The following FGD4 variants were observed in gnomAD, a reference collection of about 807,000 sequenced individuals.
The protein encoded by FGD4 is FYVE, RhoGEF and PH domain-containing protein 4.
In FGD4, 42 loss-of-function variants were observed where a neutral mutation model predicts 102.0. The ratio of observed to expected loss-of-function variants is 0.41; its 90% CI spans 0.32 to 0.53. FGD4 has a LOEUF of 0.53. Among genes scored for constraint, FGD4 ranks in the 20% least tolerant of loss-of-function variants. The probability of loss-of-function intolerance (pLI) is 0.21; values close to 1 mark genes in which losing one functional copy is unlikely to be tolerated. For missense variants in FGD4, 902 were observed against 1,078.2 expected (o/e 0.84, Z 2.29); for synonymous variants, 380 against 375.7 (o/e 1.01, Z -0.13).
intron 14 of FGD4, among the ~76,000 whole-genome samples, chr12:32,627,109 A>G (rs914397615): frequency 4.0e-5 from 6 of 151,032 alleles, no homozygotes; most frequent in African/African-American, 1.2e-4. Flanking sequence ...CGGCCTCCCA[A>G]AGTGCTGGGT....
At chr12:32,613,312 A>T (rs553071402) in intron 10 of FGD4, among the ~76,000 whole-genome samples, 14 of 152,350 alleles carry the variant, frequency 9.2e-5, no homozygotes, top group African/African-American at 2.4e-4. Flanking sequence ...GTTCAGTACA[A>T]GGGGTCTTGA....
chr12:32,411,186 C>G (rs1211878795), intron 1 of FGD4, among the ~76,000 whole-genome samples: 2 of 151,788 alleles, frequency 1.3e-5, no homozygotes, highest in African/African-American at 4.8e-5. Flanking sequence ...GGCTCAGCCT[C>G]CCAAAGTGCT....
At chr12:32,452,057 C>T (rs896030708) in intron 1 of FGD4, among the ~76,000 whole-genome samples, 7 of 152,158 alleles carry the variant, frequency 4.6e-5, no homozygotes, top group Admixed American at 2.0e-4. Context: ...TGTGGACACT[C>T]TGTGAACAAT....
At chr12:32,505,449 G>A (rs1196181727) in intron 1 of FGD4, among the ~76,000 whole-genome samples, 1 of 152,200 alleles carries the variant, frequency 6.6e-6, no homozygotes, top group Non-Finnish European at 1.5e-5. Flanking sequence ...ATTGATTTGA[G>A]TATCGGCAGC....
At chr12:32,457,149 C>T (rs1363921272) in intron 1 of FGD4, among the ~76,000 whole-genome samples, 1 of 152,132 alleles carries the variant, frequency 6.6e-6, no homozygotes, top group Non-Finnish European at 1.5e-5. Context: ...TTTATTTCTA[C>T]ATTATGTCAT....
intron 1 of FGD4, among the ~76,000 whole-genome samples, chr12:32,494,360 C>A (rs1937661232): frequency 6.6e-6 from 1 of 152,112 alleles, no homozygotes; most frequent in Non-Finnish European, 1.5e-5. Context: ...CACAGCTGTT[C>A]AATGGACCAA....
chr12:32,472,479 C>T (rs1943440528), intron 1 of FGD4, among the ~76,000 whole-genome samples: 2 of 152,180 alleles, frequency 1.3e-5, no homozygotes, highest in African/African-American at 4.8e-5. Context: ...GCAGTGCTGG[C>T]CCACCGGTGC....
chr12:32,580,802 G>T (rs567063219), intron 3 of FGD4, among the ~76,000 whole-genome samples: 5 of 151,840 alleles, frequency 3.3e-5, no homozygotes, highest in South Asian at 2.1e-4. Context: ...CAGGAGAATG[G>T]TGTGAACCCG....
chr12:32,445,994 C>T (rs1012929608), intron 1 of FGD4, among the ~76,000 whole-genome samples: 5 of 152,040 alleles, frequency 3.3e-5, no homozygotes, highest in South Asian at 2.1e-4. Flanking sequence ...GGAGAAACCC[C>T]GTCTCTACTA....
At chr12:32,535,954 C>G (rs1027012599) in intron 1 of FGD4, among the ~76,000 whole-genome samples, 5 of 152,040 alleles carry the variant, frequency 3.3e-5, no homozygotes, top group African/African-American at 1.2e-4. Flanking sequence ...TTTATAAGTT[C>G]CTTTTTAGGT....
Position 32,504,452 on chromosome 12 carries a change from T to C in FGD4, c.167-59685T>C, listed in dbSNP as rs544581792. ...CCACCATGCACACAGCTTCTTATAG[T>C]AGGGAATTTAGGATTTAGAATGTAC... On this transcript the variant is annotated intron_variant, in intron 1 of 16. Coordinates refer to ENST00000534526, the MANE Select transcript of FGD4 (RefSeq NM_001370298.3). Among the ~76,000 whole-genome samples, 33 of 152,280 alleles carry C rather than the reference T, an allele frequency of 2.2e-4. No individual in the cohort carries two copies. In the East Asian group the frequency reaches 5.0e-3, roughly 23 times the overall value.
intron 1 of FGD4, among the ~76,000 whole-genome samples, chr12:32,429,968 C>CAAA (rs368360643): frequency 7.9e-6 from 1 of 126,014 alleles, no homozygotes; most frequent in African/African-American, 2.9e-5. Flanking sequence ...TTAATGAGGC[C>CAAA]AAAAAAAAAA....
intron 1 of FGD4, among the ~76,000 whole-genome samples, chr12:32,519,646 A>G (rs1167199453): frequency 2.0e-5 from 3 of 151,870 alleles, no homozygotes; most frequent in Non-Finnish European, 2.9e-5. Context: ...AAAATAAAAT[A>G]AAAAAATAAA....
Position 32,399,815 on chromosome 12 carries a change from A to G in FGD4, c.22A>G (p.Asn8Asp), listed in dbSNP as rs1028245765. Residue 8 changes from asparagine (N) to aspartate (D), a missense_variant, in exon 1 of 17, where the codon AAC becomes GAC. Coordinates refer to ENST00000534526, the MANE Select transcript of FGD4 (RefSeq NM_001370298.3). The part of the protein sequence containing the change: MSDEGGS[N>D]FRRVAIRRKS... ...CAGGATGAGCGACGAGGGCGGCTCC[A>G]ACTTCAGGCGGGTGGCGATCCGGCG... is the stretch of plus-strand genomic sequence containing the variant. The G allele has an allele frequency of 4.6e-6, 7 of 1,531,082 alleles. No individual in the cohort carries two copies. Among genetic ancestry groups the G allele is most frequent in the Non-Finnish European group, 6.1e-6 (7 of 1,145,352 alleles). 94.8% of individuals were successfully genotyped at this position (1,531,082 alleles called of 1,614,324 possible).
At chr12:32,473,565 C>T (rs1185578413) in intron 1 of FGD4, among the ~76,000 whole-genome samples, 3 of 152,024 alleles carry the variant, frequency 2.0e-5, no homozygotes, top group Non-Finnish European at 4.4e-5. Flanking sequence ...ACTCCAGACG[C>T]GCCACCTTAA....
intron 1 of FGD4, among the ~76,000 whole-genome samples, chr12:32,509,845 T>C (rs1331270470): frequency 6.6e-6 from 1 of 152,226 alleles, no homozygotes; most frequent in Non-Finnish European, 1.5e-5. Context: ...TGCCTCACGC[T>C]GTTTGCACTG....
intron 4 of FGD4, among the ~76,000 whole-genome samples, chr12:32,586,951 G>A (rs1947090553): frequency 6.6e-6 from 1 of 152,118 alleles, no homozygotes; most frequent in South Asian, 2.1e-4. Context: ...AGCACTTTGG[G>A]AGGCCAAGGT....
At chr12:32,488,233 A>C (rs1943974014) in intron 1 of FGD4, among the ~76,000 whole-genome samples, 1 of 152,098 alleles carries the variant, frequency 6.6e-6, no homozygotes. Flanking sequence ...TGACATTGTA[A>C]AAAGTTTCTG....
intron 1 of FGD4, among the ~76,000 whole-genome samples, chr12:32,407,063 C>T (rs193116204): frequency 3.4e-5 from 5 of 149,162 alleles, no homozygotes; most frequent in East Asian, 2.0e-4. Flanking sequence ...CACCCGCCTC[C>T]GCCTCCCAAA....
Sources: allele counts gnomAD v4.1 joint callset (sites outside exome capture counted in the v4.1 genomes callset), GRCh38; gene constraint gnomAD v4.1.1; transcripts MANE v1.5; gene names NCBI Gene and HGNC (gene_info 2026-07-23, HGNC 2026-07-21).